Variants in PLSCR4 observed in about 807,000 individuals in gnomAD.
PLSCR4 encodes the protein phospholipid scramblase 4, also known as Ca(2+)-dependent phospholipid scramblase 4.
In PLSCR4, 25 loss-of-function variants were observed where a neutral mutation model predicts 36.3. The observed-to-expected ratio is 0.69, with a 90% CI of 0.50 to 0.96. The LOEUF (loss-of-function observed/expected upper bound fraction) is 0.96. PLSCR4 is among the 40% of genes least tolerant of loss of function. The probability of loss-of-function intolerance (pLI) is 0.00; values close to 1 mark genes in which losing one functional copy is unlikely to be tolerated. For missense variants in PLSCR4, 408 were observed against 414.7 expected, an observed-to-expected ratio of 0.98 and a Z score of 0.14; for synonymous variants, 122 against 132.9, an observed-to-expected ratio of 0.92 and a Z score of 0.56.
chr3:146,210,333 C>T (rs1418794638), intron 3 of PLSCR4, among the ~76,000 whole-genome samples: 3 of 151,870 alleles, frequency 2.0e-5, no homozygotes, highest in Non-Finnish European at 4.4e-5. Flanking sequence ...GCAGGGAATA[C>T]CAGCTAAGAC....
chr3:146,236,267 G>A (rs1287048213), intron 1 of PLSCR4, among the ~76,000 whole-genome samples: 4 of 152,042 alleles, frequency 2.6e-5, no homozygotes, highest in African/African-American at 9.7e-5. Flanking sequence ...GGTCCCCAGA[G>A]TCATCAATAA....
Position 146,220,994 on chromosome 3 carries a change from T to C in PLSCR4, c.8-69A>G, listed in dbSNP as rs1023908309. On this transcript the variant is annotated intron_variant, in intron 2 of 8. Transcript: ENST00000354952. ...ATATAATGACAAAATGTATTCTTTT[T>C]CCTTTCTTATGGGAATGCATCAAGA... The C allele has an allele frequency of 1.7e-5, 16 of 930,944 alleles. 1 individual carries two copies. In the Middle Eastern group the frequency reaches 8.7e-4, roughly 51 times the overall value. The allele number at this position is 930,944 out of a possible 1,614,324, so 57.7% of individuals were successfully genotyped here.
chr3:146,206,802 C>T, intron 3 of PLSCR4, 41 bp from the exon 4 acceptor site: 2 of 1,242,186 alleles, frequency 1.6e-6, no homozygotes, highest in Non-Finnish European at 2.3e-6. Context: ...ATTATTAACA[C>T]TAAAGTTAGC....
At chr3:146,235,157 GAT>G (rs1213968814) in intron 1 of PLSCR4, among the ~76,000 whole-genome samples, 1 of 152,182 alleles carries the variant, frequency 6.6e-6, no homozygotes, top group African/African-American at 2.4e-5. Flanking sequence ...CAAAGATGAT[GAT>G]ATGGTTCAGC....
At chr3:146,195,353 T>G in intron 7 of PLSCR4, 71 bp from the exon 8 acceptor site, 1 of 1,196,692 alleles carries the variant, frequency 8.4e-7, no homozygotes, top group Non-Finnish European at 1.2e-6. Flanking sequence ...TCTGCTTATG[T>G]TCAGATAACA....
At chr3:146,228,737 A>C (rs2108314180) in intron 1 of PLSCR4, among the ~76,000 whole-genome samples, 1 of 152,234 alleles carries the variant, frequency 6.6e-6, no homozygotes, top group African/African-American at 2.4e-5. Context: ...GAGTTTTCAT[A>C]ATTTTGTACT....
chr3:146,233,078 C>T (rs2035782328), intron 1 of PLSCR4, among the ~76,000 whole-genome samples: 1 of 151,976 alleles, frequency 6.6e-6, no homozygotes, highest in African/African-American at 2.4e-5. Flanking sequence ...TTTTAAGTTT[C>T]AATTCTTTAA....
At position 146,239,333 on chromosome 3, in the gene PLSCR4, A is replaced by G. The variant is rs371223461; in HGVS notation, c.-22+11627T>C. 2.9e-4 allele frequency among the ~76,000 whole-genome samples: 44 copies of G among 152,294 alleles called. No individual in the cohort carries two copies. The East Asian group carries it at 3.9e-3, about 13-fold the overall frequency. ...ACTTCCTGCTTTCAAAACTTACTAC[A>G]AATGTACTGCAATCAAAACAGTATG... is the stretch of plus-strand genomic sequence containing the variant. On this transcript the variant is annotated intron_variant, in intron 1 of 8. Coordinates refer to ENST00000354952, the MANE Select transcript of PLSCR4 (RefSeq NM_020353.3).
intron 1 of PLSCR4, among the ~76,000 whole-genome samples, chr3:146,236,334 A>G (rs1389460976): frequency 6.6e-6 from 1 of 152,204 alleles, no homozygotes; most frequent in African/African-American, 2.4e-5. Flanking sequence ...AAATTCAAAC[A>G]TATCAATATT....
chr3:146,224,319 G>A (rs1009468776), intron 1 of PLSCR4, among the ~76,000 whole-genome samples: 9 of 152,218 alleles, frequency 5.9e-5, no homozygotes, highest in Non-Finnish European at 1.0e-4. Context: ...CGTGGACAGA[G>A]ATGTATCTCA....
At chr3:146,245,248 C>A (rs1380487015) in intron 1 of PLSCR4, among the ~76,000 whole-genome samples, 5 of 151,986 alleles carry the variant, frequency 3.3e-5, no homozygotes, top group Non-Finnish European at 7.4e-5. Context: ...CCAACACACA[C>A]CCCCTCAGTT....
At chr3:146,208,348 A>T (rs2034445266) in intron 3 of PLSCR4, among the ~76,000 whole-genome samples, 1 of 152,088 alleles carries the variant, frequency 6.6e-6, no homozygotes, top group African/African-American at 2.4e-5. Context: ...TATCAGAAAA[A>T]CCCTTCTAGA....
intron 1 of PLSCR4, among the ~76,000 whole-genome samples, chr3:146,229,594 T>C (rs989545110): frequency 3.5e-5 from 2 of 57,160 alleles, no homozygotes; most frequent in Non-Finnish European, 6.1e-5. Flanking sequence ...TTATTTTTCA[T>C]TTATTTATTT....
intron 3 of PLSCR4, among the ~76,000 whole-genome samples, chr3:146,217,599 CAG>C (rs1270603536): frequency 6.6e-6 from 1 of 152,120 alleles, no homozygotes; most frequent in Non-Finnish European, 1.5e-5. Flanking sequence ...GTGAAAGGAG[CAG>C]AGAGTGGAGA....
chr3:146,232,280 C>T (rs904355904), intron 1 of PLSCR4, among the ~76,000 whole-genome samples: 2 of 152,108 alleles, frequency 1.3e-5, no homozygotes, highest in Non-Finnish European at 2.9e-5. Context: ...AGTGTGACGC[C>T]TCTGGCTTTC....
intron 1 of PLSCR4, among the ~76,000 whole-genome samples, chr3:146,225,912 C>CCGAAGTGGGAGCCCAGG (rs920674873): frequency 1.6e-4 from 25 of 152,182 alleles, no homozygotes; most frequent in Non-Finnish European, 3.5e-4. Context: ...TCAAATGCCG[C>CCGAAGTGGGAGCCCAGG]CGAAGTGGGA....
chr3:146,208,382 T>C (rs188802745), intron 3 of PLSCR4, among the ~76,000 whole-genome samples: 138 of 152,280 alleles, frequency 9.1e-4, no homozygotes, highest in African/African-American at 3.2e-3. Flanking sequence ...AAAGACTTCA[T>C]GACCAAAAAC....
intron 1 of PLSCR4, among the ~76,000 whole-genome samples, chr3:146,234,017 T>C (rs1001576133): frequency 1.3e-5 from 2 of 152,028 alleles, no homozygotes; most frequent in African/African-American, 2.4e-5. Flanking sequence ...CCAAAAAACA[T>C]AATAGGTCAT....
intron 1 of PLSCR4, among the ~76,000 whole-genome samples, chr3:146,230,579 A>G (rs999259292): frequency 2.6e-5 from 4 of 152,138 alleles, no homozygotes; most frequent in Admixed American, 2.6e-4. Context: ...AGGAAATACT[A>G]TTGTCTCTTT....
Sources: gnomAD v4.1 joint callset for allele counts (sites outside exome capture counted in the v4.1 genomes callset) on GRCh38, gnomAD v4.1.1 for gene constraint, MANE v1.5 for transcripts, NCBI Gene and HGNC (gene_info 2026-07-23, HGNC 2026-07-21) for gene names.